The following USP47 variants were observed in gnomAD, a reference collection of about 807,000 sequenced individuals.
The protein encoded by USP47 is ubiquitin specific peptidase 47.
USP47 carries 35 observed loss-of-function variants against 165.1 expected under a neutral mutation model. That is an observed-to-expected ratio of 0.21 (90% CI 0.16 to 0.28). The LOEUF is 0.28. USP47 is among the 10% of genes least tolerant of loss of function. The pLI is 1.00. For missense variants in USP47, 1,277 were observed against 1,607.4 expected, an observed-to-expected ratio of 0.79 and a Z score of 3.52; for synonymous variants, 531 against 544.5, an observed-to-expected ratio of 0.98 and a Z score of 0.35.
chr11:11,934,083 C>T (rs1014845727), intron 16 of USP47, 148 bp downstream of exon 16: 14 of 600,586 alleles, frequency 2.3e-5, no homozygotes, highest in Admixed American at 1.1e-4. Context: ...TATATTTATA[C>T]CTCTCCTTTG....
Position 11,851,278 on chromosome 11 carries a change from A to G in USP47, c.39+9054A>G, listed in dbSNP as rs73411060. On this transcript the variant is annotated intron_variant, in intron 1 of 27. Transcript: ENST00000527733. Reference sequence around the variant, plus strand: ...AATTCAATTGAGCATGTTGTCCTCTAGTCTAGATATATCCTGTTATATGCT... The same window carrying G: ...AATTCAATTGAGCATGTTGTCCTCTGGTCTAGATATATCCTGTTATATGCT... 5.2e-3 allele frequency among the ~76,000 whole-genome samples: 782 copies of G among 149,490 alleles called. 6 individuals carry two copies. Among genetic ancestry groups the G allele is most frequent in the African/African-American group, 0.018 (743 of 41,288 alleles).
chr11:11,947,855 G>C, intron 20 of USP47, 90 bp from the exon 21 acceptor site: 1 of 1,363,036 alleles, frequency 7.3e-7, no homozygotes, highest in East Asian at 2.3e-5. Context: ...ACTGCATACA[G>C]TGTAATAAAA....
intron 1 of USP47, among the ~76,000 whole-genome samples, chr11:11,843,840 G>T (rs1848282799): frequency 6.6e-6 from 1 of 152,148 alleles, no homozygotes; most frequent in African/African-American, 2.4e-5. Flanking sequence ...TTAAATGCCT[G>T]TCCTTTTAAG....
chr11:11,942,233 A>G (rs2134782979), intron 19 of USP47, 102 bp from the exon 20 acceptor site: 1 of 1,290,388 alleles, frequency 7.7e-7, no homozygotes, highest in East Asian at 2.4e-5. Flanking sequence ...CACATGTTAT[A>G]ACATAACTGT....
At chr11:11,850,692 C>T (rs1848676964) in intron 1 of USP47, among the ~76,000 whole-genome samples, 1 of 152,098 alleles carries the variant, frequency 6.6e-6, no homozygotes, top group Admixed American at 6.5e-5. Context: ...TGGATGATTT[C>T]CTTGCAGACT....
At chr11:11,844,876 G>T (rs1848340462) in intron 1 of USP47, among the ~76,000 whole-genome samples, 1 of 152,094 alleles carries the variant, frequency 6.6e-6, no homozygotes, top group African/African-American at 2.4e-5. Context: ...AAGGACAAAT[G>T]TACCTTTAGA....
At chr11:11,887,538 A>G (rs558962846) in intron 3 of USP47, among the ~76,000 whole-genome samples, 1 of 152,320 alleles carries the variant, frequency 6.6e-6, no homozygotes, top group Admixed American at 6.5e-5. Context: ...TCCTAAATAT[A>G]TATGCACTCA....
At chr11:11,924,893 G>T (rs997959286) in intron 11 of USP47, among the ~76,000 whole-genome samples, 3 of 150,802 alleles carry the variant, frequency 2.0e-5, no homozygotes, top group Non-Finnish European at 3.0e-5. Flanking sequence ...ATTGTATTGG[G>T]GTTTTTTTCT....
intron 14 of USP47, among the ~76,000 whole-genome samples, chr11:11,931,854 AATT>A (rs1242112185): frequency 1.3e-5 from 2 of 152,152 alleles, no homozygotes; most frequent in African/African-American, 4.8e-5. Context: ...ATGAAGTTGT[AATT>A]ATTAAGAAAA....
At chr11:11,846,668 T>G (rs1156610058) in intron 1 of USP47, among the ~76,000 whole-genome samples, 1 of 152,192 alleles carries the variant, frequency 6.6e-6, no homozygotes, top group Non-Finnish European at 1.5e-5. Context: ...TTAACTCATT[T>G]GAGCTTCACA....
chr11:11,919,392 G>A (rs955820157), intron 8 of USP47, among the ~76,000 whole-genome samples: 6 of 151,814 alleles, frequency 4.0e-5, no homozygotes, highest in Admixed American at 2.6e-4. Flanking sequence ...GAGATTATGC[G>A]TCCAATCTTA....
rs546464717 is a variant in USP47 at position 11,874,664 on chromosome 11, A to G, written c.40-5513A>G. ...AACCTCTGCCTCCTGGGTTCAAGCA[A>G]TTCTCCTGCCTCAGCCTCCGGAGTA... On this transcript the variant is annotated intron_variant, in intron 1 of 27. Transcript: ENST00000527733. Among the ~76,000 whole-genome samples the G allele has an allele frequency of 1.1e-3, 169 of 152,044 alleles. 1 individual carries two copies. The South Asian group carries it at 0.017, about 16-fold the overall frequency.
At chr11:11,854,726 A>G (rs1848928271) in intron 1 of USP47, among the ~76,000 whole-genome samples, 1 of 147,636 alleles carries the variant, frequency 6.8e-6, no homozygotes, top group African/African-American at 2.4e-5. Context: ...CTACAGCACT[A>G]ATCCTAAATT....
chr11:11,930,895 C>G (rs560664600), intron 14 of USP47, 144 bp downstream of exon 14: 2 of 601,662 alleles, frequency 3.3e-6, no homozygotes, highest in Admixed American at 3.7e-5. Context: ...AAGACTGTTA[C>G]AAAATAATAC....
At chr11:11,914,083 T>C (rs1339519377) in intron 8 of USP47, among the ~76,000 whole-genome samples, 1 of 152,014 alleles carries the variant, frequency 6.6e-6, no homozygotes, top group Non-Finnish European at 1.5e-5. Context: ...GCTAAGAGTT[T>C]TCAAAAATAA....
chr11:11,929,236 A>G (rs1854477159), intron 11 of USP47, among the ~76,000 whole-genome samples, 198 bp from the exon 12 acceptor site: 2 of 152,124 alleles, frequency 1.3e-5, no homozygotes, highest in African/African-American at 2.4e-5. Context: ...GAGTGCACTG[A>G]TGAAACTTGT....
chr11:11,891,840 G>T, intron 3 of USP47, 128 bp from the exon 4 acceptor site: 1 of 1,135,868 alleles, frequency 8.8e-7, no homozygotes, highest in South Asian at 2.2e-5. Context: ...ACTTTGGAAG[G>T]GGGCATGAGC....
rs1855929539 is a variant in USP47 at position 11,947,624 on chromosome 11, A to G, written c.3092-321A>G. On this transcript the variant is annotated intron_variant, in intron 20 of 27. Transcript: ENST00000527733. ...GAAGAGGTGGGATTGGAACCACCAG[A>G]GCTTACACTATTACTGTGTAGAGCT... Among the ~76,000 whole-genome samples the G allele has an allele frequency of 2.6e-5, 4 of 152,280 alleles. No homozygotes were observed. The South Asian group carries it at 6.2e-4, about 24-fold the overall frequency.
chr11:11,953,644 G>A (rs1434861093), intron 25 of USP47, among the ~76,000 whole-genome samples: 1 of 152,134 alleles, frequency 6.6e-6, no homozygotes. Context: ...TATTAAACAT[G>A]CTGTCCATAA....
Sources: allele counts gnomAD v4.1 joint callset (sites outside exome capture counted in the v4.1 genomes callset), GRCh38; gene constraint gnomAD v4.1.1; transcripts MANE v1.5; gene names NCBI Gene and HGNC (gene_info 2026-07-23, HGNC 2026-07-21).